RSPO2: variants seen among roughly 807,000 people sequenced by gnomAD.
RSPO2 encodes the protein R-spondin-2.
RSPO2 carries 14 observed loss-of-function variants against 30.9 expected under a neutral mutation model. The observed-to-expected ratio is 0.45, with a 90% CI of 0.30 to 0.71. The LOEUF is 0.71. RSPO2 is among the 30% of genes least tolerant of loss of function. RSPO2 has a pLI of 0.08. For synonymous variants in RSPO2, 107 were observed against 96.4 expected, an observed-to-expected ratio of 1.11 and a Z score of -0.64; for missense variants, 264 against 301.9, an observed-to-expected ratio of 0.87 and a Z score of 0.93.
At chr8:107,926,049 C>T (rs931262253) in intron 5 of RSPO2, among the ~76,000 whole-genome samples, 4 of 152,158 alleles carry the variant, frequency 2.6e-5, no homozygotes, top group African/African-American at 4.8e-5. Context: ...TATTTCTCCA[C>T]ATCCTCTCCA....
intron 2 of RSPO2, among the ~76,000 whole-genome samples, chr8:108,037,747 T>C (rs1350913409): frequency 6.6e-6 from 1 of 152,154 alleles, no homozygotes; most frequent in Non-Finnish European, 1.5e-5. Context: ...GAAAATCTTA[T>C]GGCCCTTAAA....
chr8:107,952,788 C>T (rs547413890), intron 5 of RSPO2, among the ~76,000 whole-genome samples: 2 of 151,980 alleles, frequency 1.3e-5, no homozygotes, highest in East Asian at 1.9e-4. Flanking sequence ...TATACACACA[C>T]GAAAAAACAT....
At chr8:108,061,413 C>T (rs1457208129) in intron 2 of RSPO2, among the ~76,000 whole-genome samples, 1 of 151,624 alleles carries the variant, frequency 6.6e-6, no homozygotes, top group African/African-American at 2.4e-5. Flanking sequence ...GACTTTAAAC[C>T]AACAAAGATC....
chr8:108,061,057 C>A (rs1446027733), intron 2 of RSPO2, among the ~76,000 whole-genome samples: 1 of 151,826 alleles, frequency 6.6e-6, no homozygotes. Context: ...AAAGGAATAA[C>A]CAGTACCAGC....
intron 2 of RSPO2, among the ~76,000 whole-genome samples, chr8:108,081,674 G>A (rs1376070085): frequency 6.6e-6 from 1 of 152,076 alleles, no homozygotes; most frequent in Non-Finnish European, 1.5e-5. Context: ...CACTAAATCT[G>A]CAGGAAAGCG....
At chr8:108,069,773 A>G (rs1312500869) in intron 2 of RSPO2, among the ~76,000 whole-genome samples, 2 of 152,200 alleles carry the variant, frequency 1.3e-5, no homozygotes, top group Non-Finnish European at 2.9e-5. Context: ...GTAGACATCA[A>G]TCCATTACTC....
intron 5 of RSPO2, among the ~76,000 whole-genome samples, chr8:107,904,864 GAT>G (rs1811588245): frequency 6.6e-6 from 1 of 152,050 alleles, no homozygotes; most frequent in South Asian, 2.1e-4. Context: ...AAATTAGAAA[GAT>G]ACTATCAAAG....
At chr8:107,919,666 G>C (rs1812090612) in intron 5 of RSPO2, among the ~76,000 whole-genome samples, 1 of 152,042 alleles carries the variant, frequency 6.6e-6, no homozygotes, top group Admixed American at 6.6e-5. Flanking sequence ...AACTGACTCA[G>C]CACAAGATGA....
intron 2 of RSPO2, 179 bp from the exon 3 acceptor site, chr8:107,989,423 A>G: frequency 1.9e-6 from 1 of 517,450 alleles, no homozygotes; most frequent in Non-Finnish European, 3.3e-6. Flanking sequence ...GTTAATACAC[A>G]ACCAAACTTA....
At chr8:107,991,473 A>G (rs1463267272) in intron 2 of RSPO2, among the ~76,000 whole-genome samples, 1 of 152,198 alleles carries the variant, frequency 6.6e-6, no homozygotes, top group Non-Finnish European at 1.5e-5. Flanking sequence ...AGGTAATACC[A>G]TTTAGGACAT....
chr8:107,997,723 A>C (rs6985162), intron 2 of RSPO2, among the ~76,000 whole-genome samples: 68,893 of 152,036 alleles, frequency 0.45, 16,789 homozygotes, highest in African/African-American at 0.66. Flanking sequence ...CTTTATTATT[A>C]ATTCTAATTA....
chr8:107,922,838 G>A (rs1405630567), intron 5 of RSPO2, among the ~76,000 whole-genome samples: 1 of 152,030 alleles, frequency 6.6e-6, no homozygotes, highest in Non-Finnish European at 1.5e-5. Flanking sequence ...AAGCAATGGA[G>A]ACAGAACTCT....
At chr8:107,998,432 A>T (rs1815103328) in intron 2 of RSPO2, among the ~76,000 whole-genome samples, 1 of 152,168 alleles carries the variant, frequency 6.6e-6, no homozygotes, top group Admixed American at 6.5e-5. Flanking sequence ...AGATTTGACC[A>T]AAATGGAAAA....
At chr8:108,058,243 T>G (rs1812320880) in intron 2 of RSPO2, among the ~76,000 whole-genome samples, 1 of 152,194 alleles carries the variant, frequency 6.6e-6, no homozygotes, top group Non-Finnish European at 1.5e-5. Flanking sequence ...GAACTCCCAT[T>G]CACAATTGCT....
intron 2 of RSPO2, among the ~76,000 whole-genome samples, chr8:108,001,544 T>G (rs1199458233): frequency 6.6e-6 from 1 of 152,162 alleles, no homozygotes; most frequent in Non-Finnish European, 1.5e-5. Context: ...AACTGAACTA[T>G]TTAAGTGGGA....
At chr8:108,080,928 G>T (rs186259910) in intron 2 of RSPO2, among the ~76,000 whole-genome samples, 1 of 152,130 alleles carries the variant, frequency 6.6e-6, no homozygotes. Flanking sequence ...CCGAATACTC[G>T]AAAGAAAGTA....
At chr8:107,985,836 T>G (rs571733760) in intron 3 of RSPO2, among the ~76,000 whole-genome samples, 2 of 152,320 alleles carry the variant, frequency 1.3e-5, no homozygotes, top group East Asian at 3.9e-4. Flanking sequence ...CAGATAGTTG[T>G]TGGATTGGTT....
intron 3 of RSPO2, among the ~76,000 whole-genome samples, chr8:107,968,019 A>C (rs1206387232): frequency 6.6e-6 from 1 of 152,102 alleles, no homozygotes; most frequent in African/African-American, 2.4e-5. Flanking sequence ...CTGCTGTGTA[A>C]TTAGTTATTA....
chr8:108,082,191 C>CA (rs113226292), intron 2 of RSPO2, among the ~76,000 whole-genome samples: 3,923 of 146,504 alleles, frequency 0.027, 169 homozygotes, highest in African/African-American at 0.089. Context: ...ACAACGACGA[C>CA]AAAAAAAAAA....
Sources: gnomAD v4.1 joint callset for allele counts (sites outside exome capture counted in the v4.1 genomes callset) on GRCh38, gnomAD v4.1.1 for gene constraint, MANE v1.5 for transcripts, NCBI Gene and HGNC (gene_info 2026-07-23, HGNC 2026-07-21) for gene names.